Variants in PRKCQ observed in about 807,000 individuals in gnomAD.
PRKCQ encodes protein kinase C theta type.
PRKCQ carries 41 observed loss-of-function variants against 91.2 expected under a neutral mutation model. The observed-to-expected ratio is 0.45, with a 90% CI of 0.35 to 0.58. The LOEUF (loss-of-function observed/expected upper bound fraction) is 0.58. Ranked by LOEUF, PRKCQ falls within the 20% of genes least tolerant of loss-of-function variation. The pLI is 0.00. For missense variants in PRKCQ, 673 were observed against 896.5 expected, an observed-to-expected ratio of 0.75 and a Z score of 3.18; for synonymous variants, 307 against 316.9, an observed-to-expected ratio of 0.97 and a Z score of 0.33.
At chr10:6,396,330 C>A in the PRKCQ span, among the ~76,000 whole-genome samples, 5 of 152,160 alleles carry the variant, frequency 3.3e-5, no homozygotes, top group Non-Finnish European at 7.3e-5. Flanking sequence ...GTATACAATT[C>A]AATGCTTTTC....
chr10:6,476,306 T>C (rs1836264402), intron 12 of PRKCQ, among the ~76,000 whole-genome samples: 4 of 106,222 alleles, frequency 3.8e-5, no homozygotes, highest in Non-Finnish European at 7.5e-5. Context: ...CTGTCATACA[T>C]GCAAATCAAA....
chr10:6,503,251 G>A (rs1838015064), intron 4 of PRKCQ, among the ~76,000 whole-genome samples: 1 of 152,204 alleles, frequency 6.6e-6, no homozygotes, highest in Non-Finnish European at 1.5e-5. Flanking sequence ...GAATTGCCAG[G>A]GGAGGAAGAT....
At position 6,572,116 on chromosome 10, in the gene PRKCQ, G is replaced by A. The variant is rs1841068705; in HGVS notation, c.-10+8095C>T. Among the ~76,000 whole-genome samples, 3 of 152,174 alleles carry A rather than the reference G, an allele frequency of 2.0e-5. No homozygotes were observed. In the South Asian group the frequency reaches 6.2e-4, roughly 32 times the overall value. Reference sequence around the variant, plus strand: ...GATCCAGGCCCAGGGCATGACCAACGACTGCCTTCCCATCGCTCCCTCTTC... The same window carrying A: ...GATCCAGGCCCAGGGCATGACCAACAACTGCCTTCCCATCGCTCCCTCTTC... On this transcript the variant is annotated intron_variant, in intron 1 of 17. Transcript: ENST00000263125.
chr10:6,521,904 GATGTT>G lies in PRKCQ; in HGVS notation c.-9-6765_-9-6761del, dbSNP rs1377671425. On this transcript the variant is annotated intron_variant, in intron 1 of 17. Transcript: ENST00000263125. ...TGATATGTACTATGTTATGTTATGT[GATGTT>G]ATGTTATGTTATGTTATTTATTTAT... Among the ~76,000 whole-genome samples, 256 of 144,368 alleles carry G rather than the reference GATGTT, an allele frequency of 1.8e-3. 1 individual carries two copies. Among genetic ancestry groups the G allele is most frequent in the Middle Eastern group, 3.7e-3 (1 of 272 alleles). The allele number at this position is 144,368 out of a possible 152,430, so 94.7% of individuals were successfully genotyped here.
intron 1 of PRKCQ, among the ~76,000 whole-genome samples, chr10:6,538,073 C>T (rs906484213): frequency 6.6e-6 from 1 of 152,242 alleles, no homozygotes; most frequent in African/African-American, 2.4e-5. Flanking sequence ...GAAAGCGGGA[C>T]CAAGGCTCCT....
At chr10:6,416,766 T>C in the PRKCQ span, among the ~76,000 whole-genome samples, 1 of 152,240 alleles carries the variant, frequency 6.6e-6, no homozygotes. Flanking sequence ...TAGTTCTACT[T>C]TTGGTTCTTC....
At chr10:6,546,116 A>G (rs1310008014) in intron 1 of PRKCQ, among the ~76,000 whole-genome samples, 4 of 152,222 alleles carry the variant, frequency 2.6e-5, no homozygotes, top group African/African-American at 9.6e-5. Context: ...ACAGCTAGTA[A>G]GTGGGATGGT....
rs780551777 is a variant in PRKCQ at position 6,485,177 on chromosome 10, T to A, written c.993A>T (p.Pro331=). The change falls in exon 10 of 18, where the codon CCA becomes CCT. Residue 331 remains proline, a synonymous_variant. Coordinates refer to ENST00000263125, the MANE Select transcript of PRKCQ (RefSeq NM_006257.5). The stretch of plus-strand genomic sequence containing the variant: ...CTCTTTTTCCCGGTGTCGGTAAACA[T>A]GGCGGCCTTGCTTCATTTTTGATGG... The part of the protein sequence containing the change: ...PCSIKNEARP[P]CLPTPGKREP... 1.2e-6 allele frequency: 2 copies of A among 1,614,052 alleles called. No individual in the cohort carries two copies. Among genetic ancestry groups the A allele is most frequent in the Non-Finnish European group, 1.7e-6 (2 of 1,179,952 alleles).
chr10:6,563,672 T>C (rs1304399456), intron 1 of PRKCQ, among the ~76,000 whole-genome samples: 1 of 151,920 alleles, frequency 6.6e-6, no homozygotes, highest in South Asian at 2.1e-4. Flanking sequence ...CTGTACAGGG[T>C]TTTCTGGTCT....
At chr10:6,540,951 G>A (rs941720990) in intron 1 of PRKCQ, among the ~76,000 whole-genome samples, 1 of 152,068 alleles carries the variant, frequency 6.6e-6, no homozygotes, top group African/African-American at 2.4e-5. Context: ...ATTGATTTGT[G>A]TTGTATTTCC....
At chr10:6,437,908 C>T (rs1833782807) in intron 16 of PRKCQ, among the ~76,000 whole-genome samples, 1 of 152,202 alleles carries the variant, frequency 6.6e-6, no homozygotes, top group Admixed American at 6.5e-5. Flanking sequence ...CCATCTCGGC[C>T]TCCCAAAGTG....
intron 1 of PRKCQ, among the ~76,000 whole-genome samples, chr10:6,527,669 G>A (rs997121846): frequency 2.0e-5 from 3 of 152,046 alleles, no homozygotes; most frequent in Non-Finnish European, 2.9e-5. Flanking sequence ...AGGAGACAGC[G>A]GTCACTTCAC....
At chr10:6,439,657 T>A (rs917830208) in intron 16 of PRKCQ, among the ~76,000 whole-genome samples, 8 of 149,814 alleles carry the variant, frequency 5.3e-5, no homozygotes, top group Non-Finnish European at 3.0e-5. Flanking sequence ...TAATGAACAG[T>A]AAACACATTT....
At chr10:6,553,495 A>AT (rs1554782500) in intron 1 of PRKCQ, among the ~76,000 whole-genome samples, 65 of 120,314 alleles carry the variant, frequency 5.4e-4, no homozygotes, top group African/African-American at 2.3e-3. Flanking sequence ...GTCTCAAAAA[A>AT]AAAAAAAAAA....
chr10:6,477,217 T>G (rs1564333095), intron 12 of PRKCQ, among the ~76,000 whole-genome samples: 1 of 152,230 alleles, frequency 6.6e-6, no homozygotes, highest in Admixed American at 6.5e-5. Flanking sequence ...GATCTAATAT[T>G]ACTCATACTG....
chr10:6,508,882 A>G (rs1838330206), intron 3 of PRKCQ, among the ~76,000 whole-genome samples: 1 of 152,222 alleles, frequency 6.6e-6, no homozygotes, highest in Non-Finnish European at 1.5e-5. Context: ...GAAAACAGTC[A>G]CAACCTTGGG....
At chr10:6,521,617 G>A (rs1315751608) in intron 1 of PRKCQ, among the ~76,000 whole-genome samples, 2 of 152,168 alleles carry the variant, frequency 1.3e-5, no homozygotes, top group Non-Finnish European at 2.9e-5. Context: ...ATTTTCTAAT[G>A]GGCCTTCTCA....
At chr10:6,464,256 A>C (rs541699071) in intron 13 of PRKCQ, 57 bp downstream of exon 13, 102 of 1,501,114 alleles carry the variant, frequency 6.8e-5, no homozygotes, top group East Asian at 4.1e-4. Context: ...GGAAAAAAAA[A>C]CCAGCAAGAA....
At chr10:6,413,592 A>G in the PRKCQ span, among the ~76,000 whole-genome samples, 3 of 40,236 alleles carry the variant, frequency 7.5e-5, no homozygotes, top group African/African-American at 1.6e-4. Context: ...ACTTGTGCAC[A>G]CACACACACA....
Sources: gnomAD v4.1 joint callset for allele counts (sites outside exome capture counted in the v4.1 genomes callset) on GRCh38, gnomAD v4.1.1 for gene constraint, MANE v1.5 for transcripts, NCBI Gene and HGNC (gene_info 2026-07-23, HGNC 2026-07-21) for gene names.